The following PRICKLE1 variants were observed in gnomAD, a reference collection of about 807,000 sequenced individuals.
PRICKLE1 encodes prickle planar cell polarity protein 1.
In PRICKLE1, 14 loss-of-function variants were observed where a neutral mutation model predicts 70.2. That is an observed-to-expected ratio of 0.20 (90% confidence interval 0.13 to 0.31). PRICKLE1 has a LOEUF of 0.31. Among genes scored for constraint, PRICKLE1 ranks in the 10% least tolerant of loss-of-function variants. The pLI, the probability that PRICKLE1 is intolerant of heterozygous loss-of-function variation, is 1.00. For missense variants in PRICKLE1, 821 were observed against 1,026.2 expected (o/e 0.80, Z 2.73); for synonymous variants, 357 against 379.9 (o/e 0.94, Z 0.70).
chr12:42,468,489 A>C, intron 5 of PRICKLE1, 137 bp downstream of exon 5: 1 of 819,068 alleles, frequency 1.2e-6, no homozygotes, highest in African/African-American at 1.7e-5. Flanking sequence ...CATTGTATGA[A>C]TGTACAGGAT....
intron 1 of PRICKLE1, among the ~76,000 whole-genome samples, chr12:42,528,091 A>C (rs995844696): frequency 1.3e-5 from 2 of 151,878 alleles, no homozygotes; most frequent in Non-Finnish European, 2.9e-5. Flanking sequence ...TATTTAACTT[A>C]CTTATTTGAG....
intron 1 of PRICKLE1, chr12:42,584,469 A>C (rs376927488): frequency 3.3e-5 from 5 of 152,220 alleles, no homozygotes; most frequent in Admixed American, 3.3e-4. Flanking sequence ...TTGCTCAAAG[A>C]AAATGGCTAT....
At chr12:42,545,034 G>A (rs1940183279) in intron 1 of PRICKLE1, among the ~76,000 whole-genome samples, 1 of 151,482 alleles carries the variant, frequency 6.6e-6, no homozygotes, top group East Asian at 1.9e-4. Flanking sequence ...ACCCAGGCTG[G>A]AGTGCAGTGG....
chr12:42,527,948 T>TAC (rs1939838458), intron 1 of PRICKLE1, among the ~76,000 whole-genome samples: 1 of 78,470 alleles, frequency 1.3e-5, no homozygotes, highest in Non-Finnish European at 2.3e-5. Context: ...TATATATATA[T>TAC]ATATATATAT....
chr12:42,527,881 G>A (rs1400075638), intron 1 of PRICKLE1, among the ~76,000 whole-genome samples: 1 of 142,436 alleles, frequency 7.0e-6, no homozygotes, highest in East Asian at 2.1e-4. Context: ...CTATTAAATA[G>A]GGGCTACCAA....
Position 42,466,272 on chromosome 12 carries a change from T to C in PRICKLE1, c.697A>G (p.Lys233Glu). The change falls in exon 6 of 8, where the codon AAG (lysine) becomes GAG (glutamate). Residue 233 changes from lysine (K) to glutamate (E), a missense_variant. Lys to Glu is a moderately conservative substitution (Grantham distance 56). Coordinates refer to ENST00000345127, the MANE Select transcript of PRICKLE1 (RefSeq NM_153026.3). ...CCACAGCAGAAGGGGCGGCCGTCCT[T>C]CATGATATACCTCTGTCCTCCCAGG... Reference protein sequence around the residue: ...TVLGGQRYIMKDGRPFCCGCF... With the variant: ...TVLGGQRYIMEDGRPFCCGCF... 6.2e-7 allele frequency: 1 copy of C among 1,614,212 alleles called. No individual in the cohort carries two copies. Among genetic ancestry groups the C allele is most frequent in the Non-Finnish European group, 8.5e-7 (1 of 1,180,038 alleles).
intron 1 of PRICKLE1, among the ~76,000 whole-genome samples, chr12:42,494,068 TA>T (rs979203891): frequency 2.0e-5 from 3 of 152,084 alleles, no homozygotes; most frequent in African/African-American, 7.3e-5. Flanking sequence ...GCACAATGTC[TA>T]AAAAAACAAT....
At chr12:42,460,972 C>T (rs938453051) in intron 7 of PRICKLE1, among the ~76,000 whole-genome samples, 3 of 152,160 alleles carry the variant, frequency 2.0e-5, no homozygotes, top group African/African-American at 7.2e-5. Context: ...ATCTCCACCT[C>T]CCAGGTTCAA....
chr12:42,500,072 C>A (rs1295201146), intron 1 of PRICKLE1, among the ~76,000 whole-genome samples: 1 of 152,050 alleles, frequency 6.6e-6, no homozygotes, highest in Non-Finnish European at 1.5e-5. Flanking sequence ...ATTTTTAATA[C>A]CATATTATTT....
intron 1 of PRICKLE1, among the ~76,000 whole-genome samples, chr12:42,512,248 G>A (rs1939526469): frequency 6.6e-6 from 1 of 152,172 alleles, no homozygotes; most frequent in Non-Finnish European, 1.5e-5. Flanking sequence ...TTAGTTCACT[G>A]CAACCTCTGC....
rs1290401029 is a variant in PRICKLE1, at chr12:42,481,535, T to C, written c.-48-8971A>G. Among the ~76,000 whole-genome samples the C allele has an allele frequency of 2.0e-5, 3 of 152,238 alleles. No individual in the cohort carries two copies. The South Asian group carries it at 6.2e-4, about 32-fold the overall frequency. ...TCCCTAGGTGTCCCCTGCTGCTAAG[T>C]GCCATCCGTGGGCTACAAACTGCTT... On this transcript the variant is annotated intron_variant, in intron 1 of 7. Coordinates refer to ENST00000345127, the MANE Select transcript of PRICKLE1 (RefSeq NM_153026.3).
At chr12:42,509,296 C>T (rs550231470) in intron 1 of PRICKLE1, among the ~76,000 whole-genome samples, 10 of 152,228 alleles carry the variant, frequency 6.6e-5, no homozygotes, top group South Asian at 2.1e-4. Flanking sequence ...TGCCTAGAGA[C>T]GCATTTAGGC....
In PRICKLE1 at chr12:42,507,701, G is replaced by A. The variant is rs528593689; in HGVS notation, c.-48-35137C>T. Reference sequence around the variant, plus strand: ...GAAGGTTGCATTGCACTGAGCAGGCGGCAGAGCCTAAATGATGTTGACTGA... The same window carrying A: ...GAAGGTTGCATTGCACTGAGCAGGCAGCAGAGCCTAAATGATGTTGACTGA... On this transcript the variant is annotated intron_variant, in intron 1 of 7. Transcript: ENST00000345127. 1.1e-4 allele frequency among the ~76,000 whole-genome samples: 16 copies of A among 152,290 alleles called. No homozygotes were observed. The East Asian group carries it at 1.4e-3, about 13-fold the overall frequency.
At chr12:42,519,403 C>T (rs1449388708) in intron 1 of PRICKLE1, among the ~76,000 whole-genome samples, 1 of 151,934 alleles carries the variant, frequency 6.6e-6, no homozygotes, top group Non-Finnish European at 1.5e-5. Context: ...ACCATGTTGG[C>T]CAGGCTGGTC....
chr12:42,551,102 C>T (rs143804058), intron 1 of PRICKLE1, among the ~76,000 whole-genome samples: 9 of 152,266 alleles, frequency 5.9e-5, no homozygotes, highest in Non-Finnish European at 1.0e-4. Context: ...AAGCCAATTG[C>T]ATTCATTAAT....
chr12:42,555,664 A>C (rs1940402337), intron 1 of PRICKLE1, among the ~76,000 whole-genome samples: 1 of 152,200 alleles, frequency 6.6e-6, no homozygotes, highest in Admixed American at 6.5e-5. Context: ...ATAGCTTAAC[A>C]CAAAATTTTG....
chr12:42,521,273 C>T (rs1438865511), intron 1 of PRICKLE1, among the ~76,000 whole-genome samples: 1 of 151,926 alleles, frequency 6.6e-6, no homozygotes, highest in African/African-American at 2.4e-5. Flanking sequence ...ATTGAAAGTC[C>T]AAAGAATAGT....
intron 1 of PRICKLE1, among the ~76,000 whole-genome samples, chr12:42,526,953 G>C (rs375864023): frequency 6.6e-6 from 1 of 151,928 alleles, no homozygotes; most frequent in Non-Finnish European, 1.5e-5. Flanking sequence ...AATGATATAG[G>C]GGTGACGGTG....
intron 1 of PRICKLE1, among the ~76,000 whole-genome samples, chr12:42,560,837 C>G (rs1351269204): frequency 2.0e-5 from 3 of 151,354 alleles, no homozygotes; most frequent in Non-Finnish European, 4.4e-5. Flanking sequence ...AACACATGCT[C>G]TATTGGGAAT....
Sources: gnomAD v4.1 joint callset for allele counts (sites outside exome capture counted in the v4.1 genomes callset) on GRCh38, gnomAD v4.1.1 for gene constraint, MANE v1.5 for transcripts, NCBI Gene and HGNC (gene_info 2026-07-23, HGNC 2026-07-21) for gene names.